NEBL: variants seen among roughly 807,000 people sequenced by gnomAD.
NEBL encodes LIM and SH3 protein 2.
In NEBL, 122 loss-of-function variants were observed where a neutral mutation model predicts 140.2. The observed-to-expected ratio is 0.87, with a 90% CI of 0.75 to 1.01. The LOEUF (loss-of-function observed/expected upper bound fraction) is 1.01, where lower values mean the gene tolerates loss of function less well. Among genes scored for constraint, NEBL ranks in the 50% least tolerant of loss-of-function variants. The pLI, the probability that NEBL is intolerant of heterozygous loss-of-function variation, is 0.00. For synonymous variants in NEBL, 436 were observed against 398.9 expected (o/e 1.09, Z -1.11); for missense variants, 1,365 against 1,231.3 (o/e 1.11, Z -1.62).
intron 2 of NEBL, among the ~76,000 whole-genome samples, chr10:21,026,220 G>A (rs535189039): frequency 8.7e-4 from 132 of 152,230 alleles, no homozygotes; most frequent in Admixed American, 1.5e-3. Flanking sequence ...AATAGGCAAC[G>A]TCCGGAGACA....
chr10:21,226,472 G>A (rs1842150830), intron 3 of NEBL, among the ~76,000 whole-genome samples: 1 of 152,056 alleles, frequency 6.6e-6, no homozygotes, highest in Non-Finnish European at 1.5e-5. Context: ...AGTCCTGGTG[G>A]CCTAGACTGC....
At chr10:20,804,515 C>A (rs146625732) in intron 26 of NEBL, 184 of 152,284 alleles carry the variant, frequency 1.2e-3, no homozygotes, top group African/African-American at 4.2e-3. Context: ...AGCACCGTTC[C>A]ACTTAAGAGA....
chr10:21,110,689 G>C (rs1043212397), intron 2 of NEBL: 4 of 481,716 alleles, frequency 8.3e-6, no homozygotes, highest in Admixed American at 6.8e-5. Context: ...CCCATGGAAG[G>C]CTCAGTGGAC....
At position 21,251,194 on chromosome 10, in the gene NEBL, G is replaced by A. The variant is rs113638921; in HGVS notation, n.279+538C>T. Among the ~76,000 whole-genome samples, 775 of 152,226 alleles carry A rather than the reference G, an allele frequency of 5.1e-3. 6 individuals are homozygous for A. Among genetic ancestry groups the A allele is most frequent in the African/African-American group, 0.018 (733 of 41,538 alleles). ...GTTTCTTTTACTTCCTTTTGGAGTAGGAGCTAGCCAGGTACACAGTGATGT... is the reference window on the plus strand; with the variant it reads ...GTTTCTTTTACTTCCTTTTGGAGTAAGAGCTAGCCAGGTACACAGTGATGT... On this transcript the variant is annotated intron_variant and non_coding_transcript_variant, in intron 2 of 8. Coordinates refer to the NEBL transcript ENST00000675702.
At position 21,194,366 on chromosome 10, in the gene NEBL, G is replaced by A. The variant is rs547807688; in HGVS notation, n.349-21889C>T. Among the ~76,000 whole-genome samples, 56 of 151,678 alleles carry A rather than the reference G, an allele frequency of 3.7e-4. No homozygotes were observed. In the South Asian group the frequency reaches 0.012, roughly 33 times the overall value. ...TTTTAATAGAAAAAAAGTTATTGAA[G>A]TAAGCATTGATACCAAAAGCAAGCC... On this transcript the variant is annotated intron_variant and non_coding_transcript_variant, in intron 3 of 8. Transcript: ENST00000675702.
At chr10:21,191,110 G>A (rs1033376625) in intron 3 of NEBL, among the ~76,000 whole-genome samples, 3 of 152,184 alleles carry the variant, frequency 2.0e-5, no homozygotes, top group Admixed American at 6.5e-5. Context: ...TATACAATAT[G>A]TTCTGTGTTG....
At chr10:21,197,753 C>A (rs1287138848) in intron 3 of NEBL, among the ~76,000 whole-genome samples, 1 of 152,130 alleles carries the variant, frequency 6.6e-6, no homozygotes, top group African/African-American at 2.4e-5. Flanking sequence ...TTAAGTTTTC[C>A]CTTTGAGATA....
chr10:21,030,507 A>G, intron 2 of NEBL: 1 of 814,590 alleles, frequency 1.2e-6, no homozygotes, highest in Non-Finnish European at 2.1e-6. Flanking sequence ...CCACCAAAGG[A>G]GAATGCTTGG....
chr10:21,101,369 C>A (rs7087041), intron 2 of NEBL, among the ~76,000 whole-genome samples: 67,164 of 152,152 alleles, frequency 0.44, 17,458 homozygotes, highest in Middle Eastern at 0.6. Flanking sequence ...AGTAACAGCT[C>A]TGGCTAAAAC....
chr10:20,900,717 C>T (rs1004445238), upstream of NEBL, among the ~76,000 whole-genome samples: 5 of 150,852 alleles, frequency 3.3e-5, no homozygotes, highest in South Asian at 2.1e-4. Flanking sequence ...GATGGGATTA[C>T]GCCTGTAATC....
intron 3 of NEBL, among the ~76,000 whole-genome samples, chr10:21,006,005 G>A (rs531612156): frequency 7.9e-5 from 12 of 151,954 alleles, no homozygotes; most frequent in African/African-American, 1.7e-4. Flanking sequence ...ATACGCAAAC[G>A]CAGGCACACA....
At chr10:20,918,893 G>C (rs1329413866) in intron 4 of NEBL, among the ~76,000 whole-genome samples, 1 of 151,692 alleles carries the variant, frequency 6.6e-6, no homozygotes, top group Non-Finnish European at 1.5e-5. Context: ...TAATATTACT[G>C]TCATTCTCTT....
chr10:21,093,775 C>T (rs1328518167), intron 2 of NEBL, among the ~76,000 whole-genome samples: 6 of 152,168 alleles, frequency 3.9e-5, no homozygotes, highest in South Asian at 2.1e-4. Context: ...TCTACTGCTT[C>T]GTAAACAAAT....
intron 2 of NEBL, among the ~76,000 whole-genome samples, chr10:21,102,039 A>G (rs1371540722): frequency 5.9e-5 from 9 of 152,240 alleles, no homozygotes; most frequent in Non-Finnish European, 5.9e-5. Context: ...CATTCCGTTA[A>G]GGGCTTAATT....
chr10:21,136,995 CT>C (rs1282989177), intron 2 of NEBL, among the ~76,000 whole-genome samples: 2 of 152,170 alleles, frequency 1.3e-5, no homozygotes, highest in South Asian at 2.1e-4. Context: ...ACTTCCCTGA[CT>C]GGCATAGCAT....
intron 2 of NEBL, among the ~76,000 whole-genome samples, chr10:21,117,823 G>A (rs1219253944): frequency 1.3e-5 from 2 of 151,878 alleles, no homozygotes; most frequent in Non-Finnish European, 2.9e-5. Context: ...AGGCTCTAGA[G>A]TCAGACAAAC....
chr10:21,257,605 G>A (rs1013344169), intron 1 of NEBL, among the ~76,000 whole-genome samples: 6 of 152,160 alleles, frequency 3.9e-5, no homozygotes, highest in Admixed American at 6.5e-5. Context: ...CCACCAAAAC[G>A]CCGTGCATGG....
chr10:21,005,453 G>A (rs1024150263), intron 3 of NEBL, among the ~76,000 whole-genome samples: 21 of 152,306 alleles, frequency 1.4e-4, no homozygotes, highest in African/African-American at 4.8e-4. Context: ...ACCATTATCT[G>A]GCCAGGCACA....
At chr10:20,928,310 C>T (rs990100645) in intron 4 of NEBL, among the ~76,000 whole-genome samples, 8 of 152,146 alleles carry the variant, frequency 5.3e-5, no homozygotes, top group Non-Finnish European at 1.0e-4. Context: ...CACCAGCCAC[C>T]TTTCAAGTAG....
Sources: allele counts gnomAD v4.1 joint callset (sites outside exome capture counted in the v4.1 genomes callset), GRCh38; gene constraint gnomAD v4.1.1; transcripts MANE v1.5; gene names NCBI Gene and HGNC (gene_info 2026-07-23, HGNC 2026-07-21).